Variants in BBS9 observed in about 807,000 individuals in gnomAD.
BBS9 encodes the protein Bardet-Biedl syndrome 9.
A neutral mutation model predicts 117.7 loss-of-function variants in BBS9; 89 were observed. The observed-to-expected ratio is 0.76, with a 90% confidence interval of 0.64 to 0.90. The LOEUF (loss-of-function observed/expected upper bound fraction) is 0.90. Ranked by LOEUF, BBS9 falls within the 40% of genes least tolerant of loss-of-function variation. The probability of loss-of-function intolerance (pLI) is 0.00; values close to 1 mark genes in which losing one functional copy is unlikely to be tolerated. For synonymous variants in BBS9, 379 were observed against 370.9 expected (o/e 1.02, Z -0.25); for missense variants, 982 against 1,042.2 (o/e 0.94, Z 0.80).
rs139632634 is a variant in BBS9 at position 33,217,707 on chromosome 7, G to C, written c.443-39529G>C. 7.8e-3 allele frequency among the ~76,000 whole-genome samples: 1,191 copies of C among 152,308 alleles called. 19 individuals are homozygous for C. The highest frequency in any genetic ancestry group is 0.027 in the African/African-American group (1,137 of 41,558). On this transcript the variant is annotated intron_variant, in intron 5 of 22. Transcript: ENST00000242067. ...TAAAAGAAACACTTGCTAGCCGAAG[G>C]ACATTCCTCTTGAGGCATGGACTGG...
At chr7:33,566,897 A>G (rs961939898) in intron 21 of BBS9, among the ~76,000 whole-genome samples, 3 of 152,202 alleles carry the variant, frequency 2.0e-5, no homozygotes, top group Admixed American at 6.5e-5. Context: ...TTAAAAGTGT[A>G]AACAGCTAGA....
chr7:33,518,245 CTTTTTTTTTTTTTT>C lies in BBS9; in HGVS notation c.2298+12611_2298+12624del, dbSNP rs747829401. On this transcript the variant is annotated intron_variant, in intron 20 of 22. Coordinates refer to ENST00000242067, the MANE Select transcript of BBS9 (RefSeq NM_198428.3). Reference sequence around the variant, plus strand: ...ACATCATTATATTTTTGTATATATTCTTTTTTTTTTTTTTTTTTTTTTTTGAGATGGAGTCCCAC... The same window carrying C: ...ACATCATTATATTTTTGTATATATTCTTTTTTTTTTGAGATGGAGTCCCAC... Among the ~76,000 whole-genome samples the C allele has an allele frequency of 5.3e-5, 5 of 93,932 alleles. No homozygotes were observed. The Admixed American group carries it at 5.4e-4, about 10-fold the overall frequency. The allele number at this position is 93,932 out of a possible 152,430, so 61.6% of individuals were successfully genotyped here. A position where few individuals can be genotyped will look rare whatever the true frequency, so the allele number is the denominator to read the frequency against.
At chr7:33,136,222 C>G (rs982168542) in intron 1 of BBS9, among the ~76,000 whole-genome samples, 31 of 152,150 alleles carry the variant, frequency 2.0e-4, no homozygotes, top group African/African-American at 7.5e-4. Flanking sequence ...TGCAACCTTG[C>G]TTAACTCATT....
chr7:33,365,568 A>G (rs1168137659), intron 16 of BBS9, among the ~76,000 whole-genome samples: 2 of 152,180 alleles, frequency 1.3e-5, no homozygotes, highest in East Asian at 3.9e-4. Context: ...CACCAGGGAA[A>G]TCATGGCCAA....
At chr7:33,192,258 A>G (rs1217664852) in intron 5 of BBS9, among the ~76,000 whole-genome samples, 7 of 152,326 alleles carry the variant, frequency 4.6e-5, no homozygotes, top group East Asian at 3.9e-4. Flanking sequence ...AATTTATTCA[A>G]TATTGGTGTT....
chr7:33,321,817 C>T (rs991292083), intron 9 of BBS9, among the ~76,000 whole-genome samples: 22 of 151,566 alleles, frequency 1.5e-4, no homozygotes, highest in Admixed American at 9.2e-4. Context: ...GAAAGGCTTT[C>T]GGTTTTTCCC....
intron 21 of BBS9, among the ~76,000 whole-genome samples, chr7:33,546,978 G>GAC (rs532251027): frequency 2.0e-4 from 30 of 151,880 alleles, no homozygotes; most frequent in South Asian, 1.2e-3. Flanking sequence ...CGCACATGCA[G>GAC]ACACACACAC....
chr7:33,268,056 C>A (rs111256576), intron 7 of BBS9, among the ~76,000 whole-genome samples: 38 of 152,304 alleles, frequency 2.5e-4, no homozygotes, highest in African/African-American at 7.9e-4. Context: ...TACTTATTCC[C>A]TATTCCTCAG....
At chr7:33,307,799 C>A (rs114224728) in intron 9 of BBS9, among the ~76,000 whole-genome samples, 5,726 of 146,654 alleles carry the variant, frequency 0.039, 199 homozygotes, top group African/African-American at 0.091. Flanking sequence ...TATTTTTGAT[C>A]CATGGTTGGT....
At chr7:33,511,202 A>G (rs1846910451) in intron 20 of BBS9, among the ~76,000 whole-genome samples, 1 of 152,182 alleles carries the variant, frequency 6.6e-6, no homozygotes, top group Non-Finnish European at 1.5e-5. Flanking sequence ...TGGTATGTAG[A>G]TGAATCCTCT....
chr7:33,492,690 G>A (rs368631143), intron 19 of BBS9, among the ~76,000 whole-genome samples: 5 of 151,986 alleles, frequency 3.3e-5, no homozygotes, highest in African/African-American at 1.2e-4. Context: ...ACAAACAAAG[G>A]AATCTGTGGG....
intron 20 of BBS9, among the ~76,000 whole-genome samples, chr7:33,526,037 G>C (rs997248746): frequency 1.4e-4 from 21 of 151,650 alleles, no homozygotes; most frequent in Non-Finnish European, 2.7e-4. Context: ...TGAAATTCTG[G>C]GTTGAAAATT....
At chr7:33,420,660 T>TC (rs1000435422) in intron 19 of BBS9, among the ~76,000 whole-genome samples, 2 of 152,176 alleles carry the variant, frequency 1.3e-5, no homozygotes, top group African/African-American at 4.8e-5. Context: ...TGCTTTTTTT[T>TC]CTTGGAAAAG....
At chr7:33,548,883 A>C (rs1853881045) in intron 21 of BBS9, among the ~76,000 whole-genome samples, 2 of 150,846 alleles carry the variant, frequency 1.3e-5, no homozygotes, top group South Asian at 4.3e-4. Flanking sequence ...TGCCATCCCC[A>C]TCAAGCTACC....
intron 4 of BBS9, among the ~76,000 whole-genome samples, chr7:33,177,083 ATTTT>A (rs754296316): frequency 2.6e-5 from 4 of 151,354 alleles, no homozygotes; most frequent in Non-Finnish European, 4.4e-5. Context: ...AGTGTTGGGG[ATTTT>A]TTTTTCTTAG....
At chr7:33,226,356 T>G (rs1791271025) in intron 5 of BBS9, among the ~76,000 whole-genome samples, 2 of 152,218 alleles carry the variant, frequency 1.3e-5, no homozygotes, top group Non-Finnish European at 1.5e-5. Context: ...TTACACATTC[T>G]TGTGATTTTA....
chr7:33,575,489 G>T (rs959426735), intron 21 of BBS9, among the ~76,000 whole-genome samples: 6 of 152,098 alleles, frequency 3.9e-5, no homozygotes, highest in Admixed American at 6.6e-5. Context: ...ACAGAAAGGA[G>T]CTGTTACCAT....
intron 5 of BBS9, among the ~76,000 whole-genome samples, chr7:33,194,591 GC>G (rs1182365624): frequency 6.6e-6 from 1 of 152,164 alleles, no homozygotes; most frequent in Non-Finnish European, 1.5e-5. Context: ...TGTGGATTCA[GC>G]AGTTCAGTTG....
chr7:33,294,995 T>A (rs1376172269), intron 9 of BBS9, among the ~76,000 whole-genome samples: 1 of 152,166 alleles, frequency 6.6e-6, no homozygotes, highest in Non-Finnish European at 1.5e-5. Context: ...ACCAGTACAA[T>A]CTTTTATTTA....
Sources: gnomAD v4.1 joint callset for allele counts (sites outside exome capture counted in the v4.1 genomes callset) on GRCh38, gnomAD v4.1.1 for gene constraint, MANE v1.5 for transcripts, NCBI Gene and HGNC (gene_info 2026-07-23, HGNC 2026-07-21) for gene names.